The following SLC2A14 variants were observed in gnomAD, a reference collection of about 807,000 sequenced individuals.
SLC2A14 encodes solute carrier family 2 member 14.
SLC2A14 carries 13 observed loss-of-function variants against 43.0 expected under a neutral mutation model. The observed-to-expected ratio is 0.30, with a 90% CI of 0.20 to 0.48. SLC2A14 has a LOEUF of 0.48. Among genes scored for constraint, SLC2A14 ranks in the 20% least tolerant of loss-of-function variants. SLC2A14 has a pLI of 0.99. For missense variants in SLC2A14, 428 were observed against 620.4 expected, an observed-to-expected ratio of 0.69 and a Z score of 3.29; for synonymous variants, 190 against 233.8, an observed-to-expected ratio of 0.81 and a Z score of 1.71.
At chr12:7,820,852 C>T (rs1592148303) in intron 8 of SLC2A14, among the ~76,000 whole-genome samples, 1 of 152,124 alleles carries the variant, frequency 6.6e-6, no homozygotes, top group Non-Finnish European at 1.5e-5. Context: ...TTTGGGAGGC[C>T]TAGGCAGGTG....
chr12:7,826,869 C>CCTTCCTTCCTTCCTTCCTTCCTTCCTTT (rs1565507744), intron 7 of SLC2A14, among the ~76,000 whole-genome samples: 1 of 33,944 alleles, frequency 2.9e-5, no homozygotes, highest in Non-Finnish European at 5.8e-5. Flanking sequence ...TTTTTTCTTT[C>CCTTCCTTCCTTCCTTCCTTCCTTCCTTT]TTTCTTTCTT....
intron 10 of SLC2A14, among the ~76,000 whole-genome samples, chr12:7,816,632 G>C (rs1863479310): frequency 6.6e-6 from 1 of 151,866 alleles, no homozygotes; most frequent in East Asian, 1.9e-4. Context: ...GGGAGGCTGA[G>C]GTGGGAGGAT....
At chr12:7,816,793 C>T (rs1388965291) in intron 10 of SLC2A14, among the ~76,000 whole-genome samples, 2 of 151,490 alleles carry the variant, frequency 1.3e-5, no homozygotes, top group Non-Finnish European at 2.9e-5. Flanking sequence ...CCACGAACTC[C>T]ACCTCCTGGT....
upstream of SLC2A14, among the ~76,000 whole-genome samples, chr12:7,874,471 A>C (rs1210214059): frequency 6.6e-6 from 1 of 151,870 alleles, no homozygotes; most frequent in Admixed American, 6.6e-5. Context: ...CAAGAGTTCA[A>C]GACCAGCCTG....
At chr12:7,848,651 G>A (rs1331031564) in intron 2 of SLC2A14, among the ~76,000 whole-genome samples, 4 of 151,258 alleles carry the variant, frequency 2.6e-5, no homozygotes, top group Non-Finnish European at 4.4e-5. Flanking sequence ...CACCTCCTGC[G>A]TTCAAGCAAT....
intron 6 of SLC2A14, among the ~76,000 whole-genome samples, chr12:7,827,982 A>G (rs931114817): frequency 6.6e-6 from 1 of 152,152 alleles, no homozygotes. Flanking sequence ...TAATAAAAAT[A>G]CAAATTAGTC....
chr12:7,858,043 G>A (rs1306062271), intron 2 of SLC2A14, among the ~76,000 whole-genome samples: 4 of 151,984 alleles, frequency 2.6e-5, no homozygotes, highest in Non-Finnish European at 4.4e-5. Context: ...GAGGCAATAA[G>A]TACTGTTTGA....
chr12:7,851,593 A>T (rs1196057938), intron 2 of SLC2A14, among the ~76,000 whole-genome samples: 1 of 152,208 alleles, frequency 6.6e-6, no homozygotes. Flanking sequence ...CTTTAAAATA[A>T]TGAAAATGTA....
chr12:7,849,470 C>A (rs1284234044), intron 2 of SLC2A14, among the ~76,000 whole-genome samples: 3 of 152,014 alleles, frequency 2.0e-5, no homozygotes, highest in African/African-American at 7.2e-5. Flanking sequence ...TGCCACTACA[C>A]TCTAGCCTGG....
chr12:7,823,562 A>C (rs1864107230), intron 7 of SLC2A14, among the ~76,000 whole-genome samples: 1 of 151,846 alleles, frequency 6.6e-6, no homozygotes, highest in Non-Finnish European at 1.5e-5. Flanking sequence ...CTCTATTAAA[A>C]ATACAAAATT....
chr12:7,831,556 C>T, intron 4 of SLC2A14, 48 bp downstream of exon 4: 1 of 1,609,164 alleles, frequency 6.2e-7, no homozygotes, highest in Non-Finnish European at 8.5e-7. Flanking sequence ...CACTTGTCCC[C>T]AATGCATCTG....
At chr12:7,836,537 A>G (rs989892928) in intron 2 of SLC2A14, among the ~76,000 whole-genome samples, 2 of 152,108 alleles carry the variant, frequency 1.3e-5, no homozygotes, top group African/African-American at 2.4e-5. Flanking sequence ...AGATGTAATT[A>G]AAAATTTTTC....
Position 7,818,003 on chromosome 12 carries a change from A to G in SLC2A14, c.1103T>C (p.Ile368Thr), listed in dbSNP as rs747226494. Residue 368 changes from isoleucine (I) to threonine (T), a missense_variant, in exon 10 of 11, where the codon ATT becomes ACT. Transcript: ENST00000431042. ...NHYNGMSFVC[I>T]GAILVFVACF... ...GGCCACAAAGACCAAGATAGCCCCA[A>G]TACAGACAAAGCTCATCCCATTATA... is the stretch of plus-strand genomic sequence containing the variant. 7 of 1,614,096 alleles carry G rather than the reference A, an allele frequency of 4.3e-6. No individual in the cohort carries two copies. In the Admixed American group the frequency reaches 6.7e-5, roughly 15 times the overall value.
intron 2 of SLC2A14, among the ~76,000 whole-genome samples, chr12:7,844,765 A>C (rs1201783185): frequency 6.6e-6 from 1 of 152,100 alleles, no homozygotes. Flanking sequence ...CGAACCCCTG[A>C]CTTCAGCTGA....
At chr12:7,874,885 TTTATATAAAAA>T (rs1592324752), upstream of SLC2A14, among the ~76,000 whole-genome samples, 1 of 113,758 alleles carries the variant, frequency 8.8e-6, no homozygotes, top group Non-Finnish European at 1.6e-5. Context: ...TAAATATATA[TTTATATAAAAA>T]TTATATATAA....
chr12:7,855,769 C>A (rs1202374434), intron 2 of SLC2A14, among the ~76,000 whole-genome samples: 2 of 152,024 alleles, frequency 1.3e-5, no homozygotes, highest in Non-Finnish European at 2.9e-5. Flanking sequence ...TCCTGAGTAG[C>A]TGGGATTACA....
At chr12:7,823,111 A>G (rs1215833474) in intron 7 of SLC2A14, among the ~76,000 whole-genome samples, 1 of 152,160 alleles carries the variant, frequency 6.6e-6, no homozygotes, top group Admixed American at 6.6e-5. Context: ...GGCCGAGCAC[A>G]GTGGTTCATT....
At chr12:7,865,399 T>G (rs977539890) in intron 2 of SLC2A14, among the ~76,000 whole-genome samples, 1 of 151,836 alleles carries the variant, frequency 6.6e-6, no homozygotes, top group Non-Finnish European at 1.5e-5. Context: ...TCGCCGGGCG[T>G]GGTGGCACAT....
chr12:7,847,400 T>C (rs1391747173), intron 2 of SLC2A14, among the ~76,000 whole-genome samples: 2 of 152,102 alleles, frequency 1.3e-5, no homozygotes, highest in African/African-American at 4.8e-5. Context: ...AAAAGAACTA[T>C]ACATGTTTAA....
Sources: gnomAD v4.1 joint callset for allele counts (sites outside exome capture counted in the v4.1 genomes callset) on GRCh38, gnomAD v4.1.1 for gene constraint, MANE v1.5 for transcripts, NCBI Gene and HGNC (gene_info 2026-07-23, HGNC 2026-07-21) for gene names.